DUSP13A: variants seen among roughly 807,000 people sequenced by gnomAD.
The protein encoded by DUSP13A is dual specificity phosphatase 13A.
chr10:75,109,128 C>T, the DUSP13A span: 5 of 1,606,554 alleles, frequency 3.1e-6, no homozygotes, highest in African/African-American at 2.7e-5. Flanking sequence ...TGTCCTCTCC[C>T]CCCAGCTCTG....
At chr10:75,108,337 C>G in the DUSP13A span, 10 of 1,445,120 alleles carry the variant, frequency 6.9e-6, no homozygotes, top group Non-Finnish European at 7.2e-6. Context: ...CCAGCAAGCT[C>G]CAAGTGGGGT....
At chr10:75,108,180 C>G in the DUSP13A span, 1 of 1,611,348 alleles carries the variant, frequency 6.2e-7, no homozygotes, top group Non-Finnish European at 8.5e-7. Flanking sequence ...GCCCAGCTTC[C>G]ACAGCTCAAA....
the DUSP13A span, among the ~76,000 whole-genome samples, chr10:75,107,171 G>C: frequency 6.6e-6 from 1 of 152,072 alleles, no homozygotes; most frequent in South Asian, 2.1e-4. Flanking sequence ...CCCTGTCTCT[G>C]CTAAAATACA....
chr10:75,105,864 C>T, the DUSP13A span: 4 of 1,547,368 alleles, frequency 2.6e-6, no homozygotes, highest in East Asian at 4.9e-5. Flanking sequence ...GCACCAGGAC[C>T]TTGGCTGAGG....
chr10:75,108,720 A>G, the DUSP13A span, among the ~76,000 whole-genome samples: 1 of 152,152 alleles, frequency 6.6e-6, no homozygotes, highest in East Asian at 1.9e-4. Context: ...CCCAAATACT[A>G]TTTCCTGGGC....
chr10:75,108,228 G>A, the DUSP13A span: 3 of 1,577,356 alleles, frequency 1.9e-6, no homozygotes, highest in East Asian at 4.5e-5. Context: ...GGCAGGAAGG[G>A]CACTTGATGC....
chr10:75,105,923 G>C, the DUSP13A span: 3 of 1,504,768 alleles, frequency 2.0e-6, 1 homozygote, highest in South Asian at 3.7e-5. Context: ...CCACCCACGG[G>C]CTGGGATGGG....
chr10:75,108,768 T>C, the DUSP13A span, among the ~76,000 whole-genome samples: 1 of 152,166 alleles, frequency 6.6e-6, no homozygotes, highest in African/African-American at 2.4e-5. Context: ...TGGAAATGTT[T>C]CCTGGAACTC....
chr10:75,107,732 A>T, the DUSP13A span, among the ~76,000 whole-genome samples: 24 of 152,264 alleles, frequency 1.6e-4, 1 homozygote, highest in African/African-American at 7.2e-5. Flanking sequence ...GGGTGCCACC[A>T]TGCCCGGCTA....
the DUSP13A span, chr10:75,108,064 G>A: frequency 1.2e-6 from 2 of 1,613,918 alleles, no homozygotes; most frequent in Non-Finnish European, 1.7e-6. Flanking sequence ...TCAAAATCAG[G>A]GAGGTCGTGG....
chr10:75,107,212 GT>G, the DUSP13A span, among the ~76,000 whole-genome samples: 3 of 152,086 alleles, frequency 2.0e-5, no homozygotes, highest in Non-Finnish European at 4.4e-5. Flanking sequence ...GCGGATGCCT[GT>G]AGTCCCAGCT....
At chr10:75,108,146 G>A in the DUSP13A span, 1 of 1,613,162 alleles carries the variant, frequency 6.2e-7, no homozygotes, top group East Asian at 2.2e-5. Context: ...GGCCCTTGTG[G>A]GCGGCGTTCA....
the DUSP13A span, among the ~76,000 whole-genome samples, chr10:75,107,146 G>A: frequency 6.6e-6 from 1 of 152,150 alleles, no homozygotes; most frequent in African/African-American, 2.4e-5. Flanking sequence ...GACCAGCCTC[G>A]CCAACATGGT....
the DUSP13A span, chr10:75,108,007 G>C: frequency 1.2e-6 from 2 of 1,612,782 alleles, no homozygotes; most frequent in Non-Finnish European, 1.7e-6. Flanking sequence ...GGCGTGTTGA[G>C]GGCACGGTGG....
chr10:75,108,981 C>T, the DUSP13A span: 1 of 1,580,910 alleles, frequency 6.3e-7, no homozygotes, highest in African/African-American at 1.3e-5. Flanking sequence ...GTCCCCACCC[C>T]CATGCCCCTT....
chr10:75,108,076 C>G, the DUSP13A span: 1 of 1,613,914 alleles, frequency 6.2e-7, no homozygotes, highest in Non-Finnish European at 8.5e-7. Flanking sequence ...AGGTCGTGGG[C>G]TGGCACCCCC....
At chr10:75,107,603 G>C in the DUSP13A span, among the ~76,000 whole-genome samples, 1 of 152,026 alleles carries the variant, frequency 6.6e-6, no homozygotes, top group South Asian at 2.1e-4. Context: ...GGGGGATGGA[G>C]TTTCGCCCTT....
chr10:75,105,726 G>A, the DUSP13A span: 3 of 1,554,330 alleles, frequency 1.9e-6, no homozygotes, highest in Admixed American at 3.9e-5. Flanking sequence ...GGTGCAGGAA[G>A]CCTCGGTTGG....
At chr10:75,108,143 G>C in the DUSP13A span, 1 of 1,613,232 alleles carries the variant, frequency 6.2e-7, no homozygotes, top group South Asian at 1.1e-5. Context: ...AGAGGCCCTT[G>C]TGGGCGGCGT....
Sources: allele counts gnomAD v4.1 joint callset (sites outside exome capture counted in the v4.1 genomes callset), GRCh38; gene constraint gnomAD v4.1.1; transcripts MANE v1.5; gene names NCBI Gene and HGNC (gene_info 2026-07-23, HGNC 2026-07-21).